Variants in STAG1 observed in about 807,000 individuals in gnomAD.
STAG1 encodes cohesin subunit SA-1.
STAG1 carries 26 observed loss-of-function variants against 170.9 expected under a neutral mutation model. The ratio of observed to expected loss-of-function variants is 0.15; its 90% CI spans 0.11 to 0.21. STAG1 has a LOEUF of 0.21. STAG1 is among the 10% of genes least tolerant of loss of function. The pLI, the probability that STAG1 is intolerant of heterozygous loss-of-function variation, is 1.00. For synonymous variants in STAG1, 514 were observed against 497.7 expected (o/e 1.03, Z -0.44); for missense variants, 964 against 1,509.5 (o/e 0.64, Z 5.99).
chr3:136,459,247 G>GAA (rs2089208058), intron 13 of STAG1, among the ~76,000 whole-genome samples: 1 of 148,218 alleles, frequency 6.7e-6, no homozygotes, highest in Non-Finnish European at 1.5e-5. Flanking sequence ...GAAAAGAAAA[G>GAA]AAAAGAAAAA....
intron 4 of STAG1, among the ~76,000 whole-genome samples, chr3:136,602,395 A>AAG (rs1044425675): frequency 1.5e-4 from 23 of 151,452 alleles, no homozygotes; most frequent in South Asian, 4.2e-4. Context: ...AAAAAAAAAA[A>AAG]AGAGAGAGAG....
chr3:136,708,644 CAG>C, intron 1 of STAG1, among the ~76,000 whole-genome samples: 1 of 152,152 alleles, frequency 6.6e-6, no homozygotes, highest in South Asian at 2.1e-4. Flanking sequence ...AAAAAAGACT[CAG>C]TACTGGAAAG....
chr3:136,520,972 T>C (rs1934642690), intron 7 of STAG1, among the ~76,000 whole-genome samples: 1 of 152,120 alleles, frequency 6.6e-6, no homozygotes, highest in South Asian at 2.1e-4. Flanking sequence ...AATAAGGATG[T>C]ACATTAGTAA....
At chr3:136,720,091 G>A (rs772182623) in intron 1 of STAG1, among the ~76,000 whole-genome samples, 1 of 150,994 alleles carries the variant, frequency 6.6e-6, no homozygotes, top group African/African-American at 2.4e-5. Flanking sequence ...TAGGAGAATC[G>A]CTTGAACTCG....
At chr3:136,430,760 T>C (rs2088274705) in intron 16 of STAG1, among the ~76,000 whole-genome samples, 1 of 149,444 alleles carries the variant, frequency 6.7e-6, no homozygotes, top group African/African-American at 2.5e-5. Context: ...TTTAAATAAT[T>C]TCATGTTCTT....
At chr3:136,531,901 A>G (rs1431993632) in intron 6 of STAG1, among the ~76,000 whole-genome samples, 27 of 142,068 alleles carry the variant, frequency 1.9e-4, no homozygotes, top group Non-Finnish European at 3.2e-4. Context: ...CCTAAAACTT[A>G]AAGTATAAAA....
intron 6 of STAG1, among the ~76,000 whole-genome samples, chr3:136,522,754 G>A (rs1272716811): frequency 2.4e-5 from 3 of 127,004 alleles, no homozygotes; most frequent in East Asian, 2.3e-4. Flanking sequence ...AGCGTGTGAC[G>A]TTCCCTTCCT....
chr3:136,736,853 T>C (rs1203779992), intron 1 of STAG1: 3 of 1,583,180 alleles, frequency 1.9e-6, no homozygotes, highest in African/African-American at 1.3e-5. Context: ...TCTTTCACAG[T>C]GTGGTCAACG....
At chr3:136,350,650 G>A (rs1464141529) in intron 28 of STAG1, among the ~76,000 whole-genome samples, 1 of 152,176 alleles carries the variant, frequency 6.6e-6, no homozygotes, top group Non-Finnish European at 1.5e-5. Flanking sequence ...TCCAAATTCT[G>A]CCCTCCTCCC....
intron 1 of STAG1, among the ~76,000 whole-genome samples, chr3:136,751,664 C>T (rs900437374): frequency 2.6e-5 from 4 of 152,160 alleles, no homozygotes; most frequent in Non-Finnish European, 4.4e-5. Flanking sequence ...CCCCAGGCCC[C>T]TCCGCTGAAA....
intron 21 of STAG1, among the ~76,000 whole-genome samples, chr3:136,405,030 G>C (rs1000827083): frequency 3.9e-5 from 6 of 151,966 alleles, no homozygotes; most frequent in Non-Finnish European, 7.4e-5. Context: ...CTTTTTAGTG[G>C]ACATGTGCAT....
At chr3:136,615,925 A>G (rs1366004198) in intron 3 of STAG1, among the ~76,000 whole-genome samples, 2 of 152,204 alleles carry the variant, frequency 1.3e-5, no homozygotes, top group African/African-American at 4.8e-5. Context: ...CAAACTTGGG[A>G]AATGTAAAAT....
intron 5 of STAG1, among the ~76,000 whole-genome samples, chr3:136,543,468 C>A (rs879363336): frequency 6.6e-6 from 1 of 152,098 alleles, no homozygotes; most frequent in Non-Finnish European, 1.5e-5. Flanking sequence ...CTGGAAAACA[C>A]GCTCTTGTAT....
chr3:136,573,051 T>C (rs1013517744), intron 4 of STAG1, among the ~76,000 whole-genome samples: 25 of 152,230 alleles, frequency 1.6e-4, no homozygotes, highest in Middle Eastern at 3.4e-3. Flanking sequence ...CAGTGGCACA[T>C]GCCTATAATC....
rs1169293419 is a variant in STAG1, at chr3:136,337,625, T to C, written c.*629A>G. 6.6e-6 allele frequency: 1 copy of C among 152,650 alleles called. No individual in the cohort carries two copies. Among genetic ancestry groups the C allele is most frequent in the East Asian group, 1.9e-4 (1 of 5,190 alleles). The allele number at this position is 152,650 out of a possible 1,614,324, so 9.5% of individuals were successfully genotyped here. On this transcript the variant is annotated 3_prime_UTR_variant, in exon 34 of 34. Coordinates refer to ENST00000383202, the MANE Select transcript of STAG1 (RefSeq NM_005862.3). Reference sequence around the variant, plus strand: ...AGTATATAAAATCTGGGAATTCATATCCATATCCACAGAGGGTGTGTGGTT... The same window carrying C: ...AGTATATAAAATCTGGGAATTCATACCCATATCCACAGAGGGTGTGTGGTT...
chr3:136,527,783 T>C (rs770060639), intron 6 of STAG1, among the ~76,000 whole-genome samples: 28 of 152,274 alleles, frequency 1.8e-4, no homozygotes, highest in Non-Finnish European at 3.4e-4. Flanking sequence ...TCCTTTCTGT[T>C]TGTTAGTTTT....
At chr3:136,739,511 AAAAAAAAAG>A (rs1934540112) in intron 1 of STAG1, among the ~76,000 whole-genome samples, 1 of 148,844 alleles carries the variant, frequency 6.7e-6, no homozygotes, top group Non-Finnish European at 1.5e-5. Context: ...GTCAAAAAAA[AAAAAAAAAG>A]AAAAAAAAAA....
chr3:136,560,847 C>A (rs952509903), intron 5 of STAG1, among the ~76,000 whole-genome samples: 3 of 152,162 alleles, frequency 2.0e-5, no homozygotes, highest in African/African-American at 7.2e-5. Flanking sequence ...AGGAGTTGTT[C>A]ATACTATTCA....
At chr3:136,498,121 G>A (rs1033973340) in intron 9 of STAG1, among the ~76,000 whole-genome samples, 2 of 147,726 alleles carry the variant, frequency 1.4e-5, no homozygotes, top group African/African-American at 5.0e-5. Flanking sequence ...GAACCCGGGA[G>A]GCGGAGGTTG....
Sources: gnomAD v4.1 joint callset for allele counts (sites outside exome capture counted in the v4.1 genomes callset) on GRCh38, gnomAD v4.1.1 for gene constraint, MANE v1.5 for transcripts, NCBI Gene and HGNC (gene_info 2026-07-23, HGNC 2026-07-21) for gene names.